Variants in POLA1 observed in about 807,000 individuals in gnomAD.
The protein encoded by POLA1 is DNA polymerase alpha 1, catalytic subunit.
POLA1 carries 15 observed loss-of-function variants against 124.0 expected under a neutral mutation model. That is an observed-to-expected ratio of 0.12 (90% confidence interval 0.08 to 0.19). POLA1 has a LOEUF of 0.19. POLA1 is among the 10% of genes least tolerant of loss of function. The pLI is 1.00. For missense variants in POLA1, 886 were observed against 1,103.4 expected (o/e 0.80, Z 2.79); for synonymous variants, 408 against 389.4 (o/e 1.05, Z -0.56).
intron 35 of POLA1, among the ~76,000 whole-genome samples, chrX:24,895,322 A>G (rs1410986146): frequency 8.9e-6 from 1 of 112,220 alleles, no homozygotes; most frequent in Non-Finnish European, 1.9e-5. Context: ...CCACAGTGTC[A>G]TCAGGGCATA....
At chrX:24,918,332 G>A (rs1056117167) in intron 35 of POLA1, among the ~76,000 whole-genome samples, 3 of 111,258 alleles carry the variant, frequency 2.7e-5, no homozygotes, top group African/African-American at 9.8e-5. Context: ...TACATTCATA[G>A]ATATAATTTG....
intron 34 of POLA1, among the ~76,000 whole-genome samples, chrX:24,869,176 C>T (rs774013710): frequency 5.3e-5 from 6 of 112,664 alleles, no homozygotes; most frequent in Non-Finnish European, 9.4e-5. Context: ...TCAAGCGATC[C>T]TCCCGCCTTG....
chrX:24,946,048 C>T (rs1206836378), intron 36 of POLA1, among the ~76,000 whole-genome samples: 2 of 111,528 alleles, frequency 1.8e-5, no homozygotes, highest in African/African-American at 3.3e-5. Context: ...CATTAACTTG[C>T]GTCATGAATG....
At chrX:24,970,511 G>A (rs2048289333) in intron 36 of POLA1, among the ~76,000 whole-genome samples, 1 of 111,411 alleles carries the variant, frequency 9.0e-6, no homozygotes, top group African/African-American at 3.3e-5. Context: ...TCATCAGAGT[G>A]AACAGACAAT....
chrX:24,701,407 C>T (rs181185118), intron 2 of POLA1, among the ~76,000 whole-genome samples: 4 of 110,065 alleles, frequency 3.6e-5, no homozygotes, highest in Admixed American at 1.9e-4. Flanking sequence ...TTGTTTCTCC[C>T]GTACTCCATT....
At chrX:24,788,908 A>G (rs745664855) in intron 26 of POLA1, 3 of 1,202,057 alleles carry the variant, frequency 2.5e-6, no homozygotes, top group East Asian at 3.0e-5. Flanking sequence ...GATTATACCA[A>G]CGTAGGGCAT....
chrX:24,950,980 C>T (rs1205053722), intron 36 of POLA1, among the ~76,000 whole-genome samples: 1 of 111,841 alleles, frequency 8.9e-6, no homozygotes, highest in Admixed American at 9.5e-5. Context: ...TAACTTAAGA[C>T]ATGTTCCAAT....
At chrX:24,746,001 G>A (rs893223444) in intron 24 of POLA1, among the ~76,000 whole-genome samples, 2 of 111,710 alleles carry the variant, frequency 1.8e-5, no homozygotes, top group African/African-American at 6.5e-5. Flanking sequence ...ATATGCGTGT[G>A]TGGTGTATGT....
chrX:24,761,810 A>G (rs1306899492), intron 26 of POLA1, among the ~76,000 whole-genome samples: 1 of 112,181 alleles, frequency 8.9e-6, no homozygotes, highest in Non-Finnish European at 1.9e-5. Flanking sequence ...GAGTGTGTAC[A>G]TGGAGGGAAA....
At chrX:24,824,113 C>T (rs1487360415) in intron 31 of POLA1, among the ~76,000 whole-genome samples, 1 of 111,483 alleles carries the variant, frequency 9.0e-6, no homozygotes, top group Non-Finnish European at 1.9e-5. Context: ...TTGTATGAAT[C>T]GACTGCACCT....
chrX:24,857,344 T>A (rs1293425802), intron 34 of POLA1, among the ~76,000 whole-genome samples: 1 of 112,181 alleles, frequency 8.9e-6, no homozygotes, highest in Non-Finnish European at 1.9e-5. Flanking sequence ...GTAAGTCTTG[T>A]ATAGTGCAAT....
intron 1 of POLA1, among the ~76,000 whole-genome samples, chrX:24,696,301 C>T (rs1927995203): frequency 8.9e-6 from 1 of 112,077 alleles, no homozygotes; most frequent in African/African-American, 3.2e-5. Context: ...GTAAGCCAGT[C>T]TGGGAGCTGT....
intron 26 of POLA1, among the ~76,000 whole-genome samples, chrX:24,802,017 C>T (rs988212860): frequency 4.0e-5 from 4 of 100,275 alleles, no homozygotes; most frequent in African/African-American, 1.5e-4. Flanking sequence ...TAGGGCAGGC[C>T]GGCAGCCCAG....
intron 35 of POLA1, among the ~76,000 whole-genome samples, chrX:24,919,565 G>A (rs1195013994): frequency 1.8e-5 from 2 of 111,102 alleles, no homozygotes; most frequent in Non-Finnish European, 3.8e-5. Flanking sequence ...AAATGAACAC[G>A]TATTCAAGTA....
chrX:24,798,061 A>G (rs2045641120), intron 26 of POLA1, among the ~76,000 whole-genome samples: 1 of 110,851 alleles, frequency 9.0e-6, no homozygotes, highest in African/African-American at 3.3e-5. Flanking sequence ...AAAAAAGCAC[A>G]AAGTTCAAAA....
chrX:24,828,981 G>A (rs1392911088), intron 32 of POLA1, among the ~76,000 whole-genome samples: 2 of 112,143 alleles, frequency 1.8e-5, no homozygotes, highest in Non-Finnish European at 1.9e-5. Flanking sequence ...TGCAGCTGCT[G>A]TATCATAGGC....
intron 30 of POLA1, among the ~76,000 whole-genome samples, chrX:24,816,621 C>T (rs1049569685): frequency 2.7e-5 from 3 of 111,854 alleles, no homozygotes; most frequent in African/African-American, 6.5e-5. Flanking sequence ...GTAAGAGTTA[C>T]GACTTAAGAC....
intron 2 of POLA1, among the ~76,000 whole-genome samples, chrX:24,702,611 A>T (rs1928532058): frequency 8.9e-6 from 1 of 112,538 alleles, no homozygotes; most frequent in Admixed American, 9.4e-5. Flanking sequence ...CTTGCCTTTC[A>T]AATAGCTCAG....
intron 36 of POLA1, among the ~76,000 whole-genome samples, chrX:24,981,807 C>T (rs753747043): frequency 1.3e-4 from 15 of 111,974 alleles, no homozygotes; most frequent in Non-Finnish European, 2.1e-4. Flanking sequence ...AAATGATTGA[C>T]GGAACTCACT....
Sources: allele counts gnomAD v4.1 joint callset (sites outside exome capture counted in the v4.1 genomes callset), GRCh38; gene constraint gnomAD v4.1.1; transcripts MANE v1.5; gene names NCBI Gene and HGNC (gene_info 2026-07-23, HGNC 2026-07-21).